Variants in KCNIP4 observed in about 807,000 individuals in gnomAD.
The protein encoded by KCNIP4 is Kv channel-interacting protein 4.
KCNIP4 carries 12 observed loss-of-function variants against 34.0 expected under a neutral mutation model. The ratio of observed to expected loss-of-function variants is 0.35; its 90% CI spans 0.23 to 0.57. The LOEUF (loss-of-function observed/expected upper bound fraction) is 0.57, where lower values mean the gene tolerates loss of function less well. Among genes scored for constraint, KCNIP4 ranks in the 20% least tolerant of loss-of-function variants. KCNIP4 has a pLI of 0.83. For missense variants in KCNIP4, 238 were observed against 311.7 expected (o/e 0.76, Z 1.78); for synonymous variants, 124 against 102.2 (o/e 1.21, Z -1.29).
intron 1 of KCNIP4, among the ~76,000 whole-genome samples, chr4:21,249,859 A>T (rs1185780978): frequency 6.6e-6 from 1 of 152,104 alleles, no homozygotes; most frequent in African/African-American, 2.4e-5. Flanking sequence ...TCTATGAAAA[A>T]ATTTTCCCCT....
At chr4:21,323,472 T>G (rs1464843231) in intron 1 of KCNIP4, among the ~76,000 whole-genome samples, 2 of 152,066 alleles carry the variant, frequency 1.3e-5, no homozygotes, top group Non-Finnish European at 2.9e-5. Flanking sequence ...TGAGTTAAAT[T>G]GTTTTAATTT....
At chr4:21,058,927 G>A (rs182210826) in intron 1 of KCNIP4, among the ~76,000 whole-genome samples, 176 of 152,176 alleles carry the variant, frequency 1.2e-3, no homozygotes, top group Admixed American at 2.0e-3. Context: ...TAATTCTCAC[G>A]TGTCATGGGA....
At chr4:21,783,074 G>A (rs1362279135) in intron 1 of KCNIP4, among the ~76,000 whole-genome samples, 4 of 151,312 alleles carry the variant, frequency 2.6e-5, no homozygotes, top group Non-Finnish European at 4.4e-5. Flanking sequence ...AAAGGGAACA[G>A]TTAGGTATTT....
intron 1 of KCNIP4, among the ~76,000 whole-genome samples, chr4:21,685,958 A>T (rs989157380): frequency 6.6e-6 from 1 of 152,252 alleles, no homozygotes; most frequent in Non-Finnish European, 1.5e-5. Context: ...CAGTAGACAC[A>T]GCATAAAACT....
chr4:21,555,017 T>C (rs1193888199), intron 1 of KCNIP4, among the ~76,000 whole-genome samples: 1 of 152,180 alleles, frequency 6.6e-6, no homozygotes, highest in Non-Finnish European at 1.5e-5. Context: ...GAATAGCCTA[T>C]AGAAAGGCAT....
intron 1 of KCNIP4, among the ~76,000 whole-genome samples, chr4:21,377,391 A>G (rs181734421): frequency 6.6e-6 from 1 of 152,350 alleles, no homozygotes; most frequent in East Asian, 1.9e-4. Context: ...AAATGGTGAT[A>G]GAACTTCCAG....
chr4:21,628,046 T>C (rs1745456565), intron 1 of KCNIP4, among the ~76,000 whole-genome samples: 1 of 152,160 alleles, frequency 6.6e-6, no homozygotes, highest in African/African-American at 2.4e-5. Flanking sequence ...ATATTTTACA[T>C]AATAATGCTA....
chr4:21,457,506 A>C (rs1371217670), intron 1 of KCNIP4, among the ~76,000 whole-genome samples: 1 of 151,968 alleles, frequency 6.6e-6, no homozygotes, highest in Non-Finnish European at 1.5e-5. Flanking sequence ...CCATCCATAA[A>C]ACAATCAGAA....
At chr4:20,779,597 A>T (rs1383255126) in intron 3 of KCNIP4, among the ~76,000 whole-genome samples, 2 of 139,064 alleles carry the variant, frequency 1.4e-5, no homozygotes, top group Non-Finnish European at 3.1e-5. Context: ...CCACACAAAA[A>T]AGAAATGAAA....
chr4:21,003,323 A>T (rs981436803), intron 1 of KCNIP4, among the ~76,000 whole-genome samples: 46 of 152,142 alleles, frequency 3.0e-4, no homozygotes, highest in African/African-American at 1.1e-3. Flanking sequence ...AAACAACACA[A>T]TCCATAAGGT....
chr4:21,012,739 G>A (rs1739166888), intron 1 of KCNIP4, among the ~76,000 whole-genome samples: 1 of 152,198 alleles, frequency 6.6e-6, no homozygotes, highest in African/African-American at 2.4e-5. Flanking sequence ...CACCTAGGAA[G>A]TAGAACTAAG....
At chr4:21,740,231 A>G (rs1716302499) in intron 1 of KCNIP4, among the ~76,000 whole-genome samples, 1 of 152,132 alleles carries the variant, frequency 6.6e-6, no homozygotes, top group South Asian at 2.1e-4. Flanking sequence ...TATGGTTTTC[A>G]ATACTTAAAT....
At chr4:20,748,588 ATATATATATATATATATTC>A (rs1752920553) in intron 5 of KCNIP4, among the ~76,000 whole-genome samples, 2 of 85,184 alleles carry the variant, frequency 2.3e-5, no homozygotes, top group Non-Finnish European at 5.5e-5. Context: ...ATATATATAT[ATATATATATATATATATTC>A]CATAAGTAAA....
chr4:20,836,887 T>C (rs979599521), intron 3 of KCNIP4, among the ~76,000 whole-genome samples: 3 of 151,906 alleles, frequency 2.0e-5, no homozygotes, highest in African/African-American at 7.3e-5. Flanking sequence ...TTTTTTCCAT[T>C]GGATGTACCA....
Position 21,772,043 on chromosome 4 carries a change from G to T in KCNIP4, c.61+176528C>A, listed in dbSNP as rs1469043868. On this transcript the variant is annotated intron_variant, in intron 1 of 8. Coordinates refer to ENST00000382152, the MANE Select transcript of KCNIP4 (RefSeq NM_025221.6). ...CCTCCAGCTTTTGCCCATTCAATAT[G>T]ATATTGGCTGTGGGTTTGTCATAAA... Among the ~76,000 whole-genome samples the T allele has an allele frequency of 3.9e-5, 6 of 152,116 alleles. No homozygotes were observed. In the East Asian group the frequency reaches 5.8e-4, roughly 15 times the overall value.
At chr4:21,639,531 T>C (rs1050823046) in intron 1 of KCNIP4, among the ~76,000 whole-genome samples, 1 of 151,396 alleles carries the variant, frequency 6.6e-6, no homozygotes, top group South Asian at 2.1e-4. Context: ...CTTCATTAAC[T>C]AGACGAAATT....
At chr4:21,139,374 G>A (rs1440786998) in intron 1 of KCNIP4, among the ~76,000 whole-genome samples, 2 of 152,184 alleles carry the variant, frequency 1.3e-5, no homozygotes, top group Non-Finnish European at 2.9e-5. Flanking sequence ...AGGTAAAATG[G>A]GAAGAATGCC....
chr4:21,034,423 T>C (rs1272005903), intron 1 of KCNIP4, among the ~76,000 whole-genome samples: 1 of 152,228 alleles, frequency 6.6e-6, no homozygotes, highest in African/African-American at 2.4e-5. Flanking sequence ...TTATGTTCTT[T>C]CTGTTTTGTT....
intron 1 of KCNIP4, among the ~76,000 whole-genome samples, chr4:21,213,176 A>G (rs558384307): frequency 6.6e-6 from 1 of 152,286 alleles, no homozygotes; most frequent in South Asian, 2.1e-4. Context: ...TTTAGAGCAC[A>G]TGAGGCAAAG....
Sources: allele counts gnomAD v4.1 joint callset (sites outside exome capture counted in the v4.1 genomes callset), GRCh38; gene constraint gnomAD v4.1.1; transcripts MANE v1.5; gene names NCBI Gene and HGNC (gene_info 2026-07-23, HGNC 2026-07-21).